Variants in HPCA observed in about 807,000 individuals in gnomAD.
HPCA encodes hippocalcin.
A neutral mutation model predicts 18.2 loss-of-function variants in HPCA; 4 were observed. The observed-to-expected ratio is 0.22, with a 90% CI of 0.11 to 0.50. HPCA has a LOEUF of 0.50. Among genes scored for constraint, HPCA ranks in the 20% least tolerant of loss-of-function variants. The probability of loss-of-function intolerance (pLI) is 0.97; values close to 1 mark genes in which losing one functional copy is unlikely to be tolerated. For synonymous variants in HPCA, 93 were observed against 103.5 expected, an observed-to-expected ratio of 0.90 and a Z score of 0.61; for missense variants, 161 against 265.8, an observed-to-expected ratio of 0.61 and a Z score of 2.74.
At position 32,888,821 on chromosome 1, in the gene HPCA, T is replaced by C. The variant is rs896268346; in HGVS notation, c.-21-57T>C. 3.4e-6 allele frequency: 5 copies of C among 1,472,762 alleles called. No individual in the cohort carries two copies. The African/African-American group carries it at 4.2e-5, about 12-fold the overall frequency. The allele number at this position is 1,472,762 out of a possible 1,614,324, so 91.2% of individuals were successfully genotyped here. A position where few individuals can be genotyped will look rare whatever the true frequency, so the allele number is the denominator to read the frequency against. On this transcript the variant is annotated intron_variant, in intron 1 of 3. Transcript: ENST00000373467. ...AGGGGGGCCCATCTGGAGCAGTGTCTAGTAGCCAGGAGGGCCTGATCACTC... is the reference window on the plus strand; with the variant it reads ...AGGGGGGCCCATCTGGAGCAGTGTCCAGTAGCCAGGAGGGCCTGATCACTC...
rs1641518195 is a variant in HPCA at position 32,893,970 on chromosome 1, C to T, written c.*108C>T. ...TGGGGGCCAGATTGGGGAAGCCCTT[C>T]TCCCCGGGTCTGCCCTGTGGGGGGC... On this transcript the variant is annotated 3_prime_UTR_variant, in exon 4 of 4. Transcript: ENST00000373467. This position sits in a 1 kb window ranked among gnomAD's most constrained non-coding sequence, Gnocchi z 7.5. The T allele has an allele frequency of 1.2e-6, 1 of 852,062 alleles. No homozygotes were observed. Among genetic ancestry groups the T allele is most frequent in the Non-Finnish European group, 1.9e-6 (1 of 540,186 alleles). The allele number at this position is 852,062 out of a possible 1,614,324, so 52.8% of individuals were successfully genotyped here.
chr1:32,892,858 ACT>A (rs1185439573), intron 2 of HPCA, among the ~76,000 whole-genome samples: 1 of 151,802 alleles, frequency 6.6e-6, no homozygotes, highest in Admixed American at 6.5e-5. Flanking sequence ...TAGCGCAAGA[ACT>A]CTCTTTCACG....
intron 2 of HPCA, among the ~76,000 whole-genome samples, chr1:32,891,239 G>A: frequency 6.6e-6 from 1 of 152,228 alleles, no homozygotes; most frequent in East Asian, 1.9e-4. Flanking sequence ...AGCTCTGCAA[G>A]CCCCAGTGCC....
Position 32,888,923 on chromosome 1 carries a change from C to T in HPCA, c.25C>T (p.Arg9Trp). The stretch of plus-strand genomic sequence containing the variant: ...CATGGGCAAGCAGAACAGCAAGCTG[C>T]GGCCCGAGATGTTGCAGGACCTGCG... MGKQNSKL[R>W]PEMLQDLREN... Residue 9 changes from arginine to tryptophan, a missense_variant, in exon 2 of 4, where the codon CGG becomes TGG. Physicochemically the swap from Arg to Trp is moderately radical, Grantham distance 101. Transcript: ENST00000373467. The T allele has an allele frequency of 6.2e-7, 1 of 1,612,782 alleles. No homozygotes were observed. The highest frequency in any genetic ancestry group is 8.5e-7 in the Non-Finnish European group (1 of 1,179,274).
chr1:32,891,590 G>A (rs976733831), intron 2 of HPCA, among the ~76,000 whole-genome samples: 1 of 152,142 alleles, frequency 6.6e-6, no homozygotes, highest in African/African-American at 2.4e-5. Context: ...GCTGTTTACT[G>A]ACCACCCACT....
rs958116738 is a variant in HPCA, at chr1:32,893,227, C to T, written c.379-297C>T. On this transcript the variant is annotated intron_variant, in intron 2 of 3. Transcript: ENST00000373467. This position sits in a 1 kb window ranked among gnomAD's most constrained non-coding sequence, Gnocchi z 7.5. ...TCCACTGTCGGGCCCCGGTGTCCTC[C>T]AACATCTCTCCTGACCCCTGCGCCC... 2.0e-5 allele frequency among the ~76,000 whole-genome samples: 3 copies of T among 152,112 alleles called. No individual in the cohort carries two copies. Among genetic ancestry groups the T allele is most frequent in the African/African-American group, 7.2e-5 (3 of 41,426 alleles).
chr1:32,893,708 G>A lies in HPCA; in HGVS notation c.485-57G>A. 2.5e-6 allele frequency: 2 copies of A among 806,570 alleles called. No individual in the cohort carries two copies. Among genetic ancestry groups the A allele is most frequent in the Non-Finnish European group, 3.7e-6 (2 of 539,688 alleles). 50.0% of individuals were successfully genotyped at this position (806,570 alleles called of 1,614,324 possible). On this transcript the variant is annotated intron_variant, in intron 3 of 3. Transcript: ENST00000373467. This position sits in a 1 kb window ranked among gnomAD's most constrained non-coding sequence, Gnocchi z 7.5. ...CCTCCCTGCCTCCCTTTCCCGCTCC[G>A]CCTCCCCTCGCTAGGCTGCCGCCTC...
chr1:32,891,501 C>CT (rs1641453096), intron 2 of HPCA, among the ~76,000 whole-genome samples: 2 of 152,192 alleles, frequency 1.3e-5, no homozygotes, highest in African/African-American at 4.8e-5. Context: ...GTAAAGGTGT[C>CT]ATCTGGGAAC....
chr1:32,894,445 T>C lies in HPCA; in HGVS notation c.*583T>C, dbSNP rs1282996622. The C allele has an allele frequency of 8.7e-6, 2 of 228,914 alleles. No homozygotes were observed. The highest frequency in any genetic ancestry group is 1.7e-5 in the Non-Finnish European group (2 of 115,504). The allele number at this position is 228,914 out of a possible 1,614,324, so 14.2% of individuals were successfully genotyped here. A position where few individuals can be genotyped will look rare whatever the true frequency, so the allele number is the denominator to read the frequency against. ...CACGGAGCTCTCTGTGTTTGGCCTC[T>C]CACACACACACAGGCCCATAGACAG... On this transcript the variant is annotated 3_prime_UTR_variant, in exon 4 of 4. Coordinates refer to ENST00000373467, the MANE Select transcript of HPCA (RefSeq NM_002143.3).
chr1:32,892,938 G>A (rs1641481019), intron 2 of HPCA, among the ~76,000 whole-genome samples: 2 of 152,112 alleles, frequency 1.3e-5, no homozygotes, highest in Non-Finnish European at 1.5e-5. Flanking sequence ...CAAGCCTGGC[G>A]GTCCCTGCCC....
At chr1:32,887,259 A>G (rs1641386267) in intron 1 of HPCA, among the ~76,000 whole-genome samples, 1 of 152,190 alleles carries the variant, frequency 6.6e-6, no homozygotes, top group African/African-American at 2.4e-5. Flanking sequence ...ACCTGATCAC[A>G]TGCACATCTG....
chr1:32,891,881 C>T (rs910896077), intron 2 of HPCA, among the ~76,000 whole-genome samples: 2 of 152,204 alleles, frequency 1.3e-5, no homozygotes, highest in South Asian at 4.1e-4. Flanking sequence ...CCACCCCACA[C>T]TGCCCAAGCA....
At position 32,889,028 on chromosome 1, in the gene HPCA, A is replaced by G; in HGVS notation, c.130A>G (p.Asn44Asp). 2 of 1,614,190 alleles carry G rather than the reference A, an allele frequency of 1.2e-6. No homozygotes were observed. The highest frequency in any genetic ancestry group is 1.7e-6 in the Non-Finnish European group (2 of 1,180,026). Residue 44 changes from asparagine (N) to aspartate (D), a missense_variant, in exon 2 of 4, where the codon AAT becomes GAT. By Grantham distance (23) the Asn-to-Asp change is conservative. Transcript: ENST00000373467. The surrounding 1 kb of genome is among the most constrained non-coding windows in gnomAD (Gnocchi z 4.6). The stretch of plus-strand genomic sequence containing the variant: ...CAAGGACTGCCCCACAGGAATCCTC[A>G]ATGTGGATGAGTTCAAGAAGATCTA... ...FLKDCPTGIL[N>D]VDEFKKIYAN...
chr1:32,891,408 G>A (rs568023695), intron 2 of HPCA, among the ~76,000 whole-genome samples: 2 of 152,228 alleles, frequency 1.3e-5, no homozygotes, highest in Non-Finnish European at 2.9e-5. Context: ...CACTGGAGAG[G>A]AAGAGACTGC....
rs1008627295 is a variant in HPCA, at chr1:32,889,529, C to T, written c.378+253C>T. Among the ~76,000 whole-genome samples, 9 of 152,260 alleles carry T rather than the reference C, an allele frequency of 5.9e-5. No individual in the cohort carries two copies. Among genetic ancestry groups the T allele is most frequent in the East Asian group, 1.9e-4 (1 of 5,186 alleles). ...CTTCATCATTATCAGTGTGTGTGTG[C>T]GTGTGTGCACACTAGTGTGTAACAT... On this transcript the variant is annotated intron_variant, in intron 2 of 3. Coordinates refer to ENST00000373467, the MANE Select transcript of HPCA (RefSeq NM_002143.3). The surrounding 1 kb of genome is among the most constrained non-coding windows in gnomAD (Gnocchi z 4.6).
At position 32,888,904 on chromosome 1, in the gene HPCA, C is replaced by G. The variant is rs1305581847; in HGVS notation, c.6C>G (p.Gly2=). 6.2e-7 allele frequency: 1 copy of G among 1,609,220 alleles called. No homozygotes were observed. The highest frequency in any genetic ancestry group is 8.5e-7 in the Non-Finnish European group (1 of 1,177,484). Residue 2 remains glycine, a synonymous_variant, in exon 2 of 4, where the codon GGC becomes GGG. Transcript: ENST00000373467. M[G]KQNSKLRPEM... ...TGGGACTTGGCTCGGCGGCCATGGG[C>G]AAGCAGAACAGCAAGCTGCGGCCCG... is the stretch of plus-strand genomic sequence containing the variant.
rs957308125 is a variant in HPCA, at chr1:32,894,517, A to G, written c.*655A>G. 1.2e-5 allele frequency: 5 copies of G among 415,342 alleles called. No homozygotes were observed. Among genetic ancestry groups the G allele is most frequent in the African/African-American group, 9.8e-5 (5 of 51,128 alleles). The allele number at this position is 415,342 out of a possible 1,614,324, so 25.7% of individuals were successfully genotyped here. On this transcript the variant is annotated 3_prime_UTR_variant, in exon 4 of 4. Transcript: ENST00000373467. ...CCCATGCACAGTGTCCTGCGTGGGA[A>G]AGAGACACGGTCCCCCTGGCTGAGC...
intron 1 of HPCA, 94 bp from the exon 2 acceptor site, chr1:32,888,784 A>T: frequency 8.6e-7 from 1 of 1,167,294 alleles, no homozygotes; most frequent in Non-Finnish European, 1.2e-6. Context: ...AGAGGCAGGG[A>T]TGGCTGTTGG....
Position 32,889,583 on chromosome 1 carries a change from TA to T in HPCA, c.378+308del, listed in dbSNP as rs1234414217. 6.6e-6 allele frequency among the ~76,000 whole-genome samples: 1 copy of T among 152,216 alleles called. No homozygotes were observed. Among genetic ancestry groups the T allele is most frequent in the Admixed American group, 6.5e-5 (1 of 15,282 alleles). On this transcript the variant is annotated intron_variant, in intron 2 of 3. Transcript: ENST00000373467. The surrounding 1 kb of genome is among the most constrained non-coding windows in gnomAD (Gnocchi z 4.6). ...CTTGCTGTTCTGAACATTGGCCCTT[TA>T]CCCCTGGATACATTAGGATATATTT...
Sources: gnomAD v4.1 joint callset for allele counts (sites outside exome capture counted in the v4.1 genomes callset) on GRCh38, gnomAD v4.1.1 for gene constraint, Gnocchi (gnomAD v3.1) non-coding constraint, MANE v1.5 for transcripts, NCBI Gene and HGNC (gene_info 2026-07-23, HGNC 2026-07-21) for gene names.